SDK1: variants seen among roughly 807,000 people sequenced by gnomAD.
The protein encoded by SDK1 is sidekick cell adhesion molecule 1.
Under a neutral mutation model 245.5 loss-of-function variants are expected in SDK1, and 157 were observed. That is an observed-to-expected ratio of 0.64 (90% confidence interval 0.56 to 0.73). SDK1 has a LOEUF of 0.73. Ranked by LOEUF, SDK1 falls within the 30% of genes least tolerant of loss-of-function variation. The pLI is 0.00. For missense variants in SDK1, 3,583 were observed against 3,002.3 expected, an observed-to-expected ratio of 1.19 and a Z score of -4.52; for synonymous variants, 1,647 against 1,278.5, an observed-to-expected ratio of 1.29 and a Z score of -6.15.
At chr7:3,418,396 T>G (rs1032046774) in intron 1 of SDK1, among the ~76,000 whole-genome samples, 4 of 152,118 alleles carry the variant, frequency 2.6e-5, no homozygotes, top group African/African-American at 9.7e-5. Flanking sequence ...TTCACTTCAC[T>G]GCAAAGAGTC....
intron 1 of SDK1, among the ~76,000 whole-genome samples, chr7:3,513,986 A>G (rs953158903): frequency 2.0e-5 from 3 of 152,172 alleles, no homozygotes; most frequent in Non-Finnish European, 4.4e-5. Flanking sequence ...TGGCTGTGTA[A>G]TATTCCATGG....
At position 4,138,366 on chromosome 7, in the gene SDK1, T is replaced by C. The variant is rs374256610; in HGVS notation, c.4228+5943T>C. Among the ~76,000 whole-genome samples, 373 of 152,310 alleles carry C rather than the reference T, an allele frequency of 2.4e-3. 16 individuals carry two copies. In the South Asian group the frequency reaches 0.073, roughly 30 times the overall value. On this transcript the variant is annotated intron_variant, in intron 28 of 44. Coordinates refer to ENST00000404826, the MANE Select transcript of SDK1 (RefSeq NM_152744.4). ...TGCTTCTAAAGGGAAAACATGCTTT[T>C]GTTATGTTGTGCAGAAATCGCAGAA...
At chr7:3,966,502 G>A (rs1333641129) in intron 9 of SDK1, among the ~76,000 whole-genome samples, 1 of 152,010 alleles carries the variant, frequency 6.6e-6, no homozygotes, top group Non-Finnish European at 1.5e-5. Context: ...GGGCTGCTCG[G>A]GGCCGTGACC....
chr7:3,462,619 C>T (rs1396938516), intron 1 of SDK1, among the ~76,000 whole-genome samples: 3 of 152,158 alleles, frequency 2.0e-5, no homozygotes, highest in African/African-American at 7.2e-5. Context: ...CCAAACTTAC[C>T]TATCTACCTA....
chr7:3,673,242 C>G (rs1019268881), intron 4 of SDK1, among the ~76,000 whole-genome samples: 1 of 152,246 alleles, frequency 6.6e-6, no homozygotes, highest in African/African-American at 2.4e-5. Flanking sequence ...AAGTGTAAAT[C>G]CAGAATGAAG....
At chr7:3,992,146 C>A (rs1297669774) in intron 14 of SDK1, among the ~76,000 whole-genome samples, 1 of 152,206 alleles carries the variant, frequency 6.6e-6, no homozygotes, top group Non-Finnish European at 1.5e-5. Context: ...GGGCCAAACC[C>A]ACATGGTTTA....
At chr7:4,113,931 C>A in intron 24 of SDK1, 106 bp from the exon 25 acceptor site, 2 of 792,978 alleles carry the variant, frequency 2.5e-6, no homozygotes, top group Non-Finnish European at 4.2e-6. Context: ...CCCCCAGGAA[C>A]ACCTCCTCCA....
chr7:3,863,781 G>A (rs1312475791), intron 5 of SDK1, among the ~76,000 whole-genome samples: 2 of 152,164 alleles, frequency 1.3e-5, no homozygotes, highest in East Asian at 3.8e-4. Flanking sequence ...CCCTGTTAAG[G>A]CTGAAGAATA....
intron 1 of SDK1, among the ~76,000 whole-genome samples, chr7:3,605,291 A>G (rs1781385522): frequency 6.6e-6 from 1 of 152,260 alleles, no homozygotes; most frequent in East Asian, 1.9e-4. Flanking sequence ...TTTTTACTGT[A>G]TAATTCTATC....
intron 1 of SDK1, among the ~76,000 whole-genome samples, chr7:3,399,371 T>G (rs1778820559): frequency 6.6e-6 from 1 of 152,164 alleles, no homozygotes; most frequent in Non-Finnish European, 1.5e-5. Context: ...TAAAGGAAAG[T>G]ATGAGCATGA....
At chr7:4,014,121 C>T (rs1786202587) in intron 16 of SDK1, among the ~76,000 whole-genome samples, 1 of 152,262 alleles carries the variant, frequency 6.6e-6, no homozygotes, top group Non-Finnish European at 1.5e-5. Flanking sequence ...ATCCCTCTGC[C>T]TCTGCCTTTC....
intron 9 of SDK1, among the ~76,000 whole-genome samples, chr7:3,963,719 G>A (rs1371417067): frequency 7.1e-6 from 1 of 141,738 alleles, no homozygotes; most frequent in East Asian, 2.1e-4. Flanking sequence ...TGACCTGGAC[G>A]TATCCAGTGA....
intron 1 of SDK1, among the ~76,000 whole-genome samples, chr7:3,610,945 A>T (rs1276471889): frequency 6.6e-6 from 1 of 152,248 alleles, no homozygotes; most frequent in East Asian, 1.9e-4. Context: ...CAGATTTTTG[A>T]GTACAAAATG....
chr7:3,702,407 A>G (rs1356847872), intron 4 of SDK1, among the ~76,000 whole-genome samples: 1 of 152,202 alleles, frequency 6.6e-6, no homozygotes, highest in Admixed American at 6.5e-5. Flanking sequence ...CTTGGAAGTG[A>G]TGATGGAAGT....
chr7:3,548,740 G>T (rs1241762064), intron 1 of SDK1, among the ~76,000 whole-genome samples: 1 of 152,114 alleles, frequency 6.6e-6, no homozygotes, highest in Non-Finnish European at 1.5e-5. Flanking sequence ...ACCATCTTTT[G>T]TTATGGAGAA....
chr7:3,864,060 G>C (rs1780761380), intron 5 of SDK1, among the ~76,000 whole-genome samples: 1 of 152,124 alleles, frequency 6.6e-6, no homozygotes, highest in African/African-American at 2.4e-5. Flanking sequence ...AGTGCACACA[G>C]GTTCCAATTT....
chr7:3,955,327 G>A (rs1781175466), intron 7 of SDK1, among the ~76,000 whole-genome samples: 1 of 152,184 alleles, frequency 6.6e-6, no homozygotes, highest in African/African-American at 2.4e-5. Flanking sequence ...CTGAGTTCTT[G>A]TCACACATGG....
At chr7:4,152,627 T>C (rs1170568716) in intron 30 of SDK1, among the ~76,000 whole-genome samples, 1 of 152,214 alleles carries the variant, frequency 6.6e-6, no homozygotes. Context: ...GTCAATTTCC[T>C]AATGGGCCAG....
intron 4 of SDK1, among the ~76,000 whole-genome samples, chr7:3,661,797 G>A (rs1411634277): frequency 6.6e-6 from 1 of 152,040 alleles, no homozygotes; most frequent in Non-Finnish European, 1.5e-5. Flanking sequence ...ATAGTTGTGT[G>A]GCCTCGGGCA....
Sources: allele counts gnomAD v4.1 joint callset (sites outside exome capture counted in the v4.1 genomes callset), GRCh38; gene constraint gnomAD v4.1.1; transcripts MANE v1.5; gene names NCBI Gene and HGNC (gene_info 2026-07-23, HGNC 2026-07-21).